The following KASH5 variants were observed in gnomAD, a reference collection of about 807,000 sequenced individuals.
The protein encoded by KASH5 is protein KASH5.
In KASH5, 72 loss-of-function variants were observed where a neutral mutation model predicts 84.2. That is an observed-to-expected ratio of 0.85 (90% CI 0.71 to 1.04). The LOEUF is 1.04. Ranked by LOEUF, KASH5 falls within the 50% of genes least tolerant of loss-of-function variation. The pLI, the probability that KASH5 is intolerant of heterozygous loss-of-function variation, is 0.00. For synonymous variants in KASH5, 260 were observed against 279.1 expected, an observed-to-expected ratio of 0.93 and a Z score of 0.68; for missense variants, 650 against 701.0, an observed-to-expected ratio of 0.93 and a Z score of 0.82.
intron 9 of KASH5, among the ~76,000 whole-genome samples, chr19:49,400,240 A>AAG (rs1187283374): frequency 6.6e-6 from 1 of 151,414 alleles, no homozygotes; most frequent in African/African-American, 2.4e-5. Context: ...AAAAAAAAAA[A>AAG]AAAAAAATTG....
chr19:49,412,320 C>G lies in KASH5; in HGVS notation c.1270-648C>G, dbSNP rs1318544512. On this transcript the variant is annotated intron_variant, in intron 15 of 19. Coordinates refer to ENST00000447857, the MANE Select transcript of KASH5 (RefSeq NM_144688.5). This position sits in a 1 kb window ranked among gnomAD's most constrained non-coding sequence, Gnocchi z 4.6. The stretch of plus-strand genomic sequence containing the variant: ...GACAGACATAATTGGGGTGGAGGGA[C>G]AGAGCAGGGGTCAGACGGGATGTGG... Among the ~76,000 whole-genome samples, 1 of 151,696 alleles carries G rather than the reference C, an allele frequency of 6.6e-6. No individual in the cohort carries two copies. The highest frequency in any genetic ancestry group is 1.5e-5 in the Non-Finnish European group (1 of 67,908).
rs886236285 is a variant in KASH5 at position 49,407,268 on chromosome 19, T to C, written c.905T>C (p.Ile302Thr). 3 of 1,613,696 alleles carry C rather than the reference T, an allele frequency of 1.9e-6. No homozygotes were observed. The African/African-American group carries it at 4.0e-5, about 22-fold the overall frequency. Reference sequence around the variant, plus strand: ...CAGCTCTTTGAGTGTGAACACCTCATTTGCCAAAGAGACACCATCCTCTCT... The same window carrying C: ...CAGCTCTTTGAGTGTGAACACCTCACTTGCCAAAGAGACACCATCCTCTCT... ...KRQLFECEHL[I>T]CQRDTILSER... Residue 302 changes from isoleucine to threonine, a missense_variant, in exon 11 of 20, where the codon ATT becomes ACT. By Grantham distance (89) the Ile-to-Thr change is moderately conservative (BLOSUM62 -1). Coordinates refer to ENST00000447857, the MANE Select transcript of KASH5 (RefSeq NM_144688.5).
intron 6 of KASH5, 84 bp from the exon 7 acceptor site, chr19:49,397,898 C>CT (rs1464279921): frequency 4.6e-5 from 69 of 1,514,236 alleles, no homozygotes; most frequent in Non-Finnish European, 6.1e-5. Context: ...AGAGCCACAT[C>CT]TCCCCACCAC....
Position 49,413,247 on chromosome 19 carries a change from G to T in KASH5, c.1328+221G>T, listed in dbSNP as rs115122569. On this transcript the variant is annotated intron_variant, in intron 16 of 19. Transcript: ENST00000447857. ...GTTCCTGACCCTGCCTTGGGGGAGG[G>T]CTCCCAGCGAGGCTGCCATGCCTGA... Among the ~76,000 whole-genome samples, 1,507 of 152,340 alleles carry T rather than the reference G, an allele frequency of 9.9e-3. 15 individuals carry two copies. Among genetic ancestry groups the T allele is most frequent in the African/African-American group, 0.035 (1,448 of 41,576 alleles).
chr19:49,406,462 C>T (rs747949762), intron 9 of KASH5, among the ~76,000 whole-genome samples: 2 of 152,262 alleles, frequency 1.3e-5, no homozygotes, highest in Non-Finnish European at 2.9e-5. Context: ...CTGCAACCTC[C>T]GTCTTCCCAG....
At position 49,416,228 on chromosome 19, in the gene KASH5, C is replaced by G. The variant is rs1411642290; in HGVS notation, c.1375-787C>G. ...TTTTGTTTTGAGATGGAGTCTTGCT[C>G]TGTCGCCAGGCTGGAGTGCAGTGGT... On this transcript the variant is annotated intron_variant, in intron 17 of 19. Coordinates refer to ENST00000447857, the MANE Select transcript of KASH5 (RefSeq NM_144688.5). This position sits in a 1 kb window ranked among gnomAD's most constrained non-coding sequence, Gnocchi z 5.4. 1.3e-5 allele frequency among the ~76,000 whole-genome samples: 2 copies of G among 152,192 alleles called. No individual in the cohort carries two copies. The highest frequency in any genetic ancestry group is 1.3e-4 in the Admixed American group (2 of 15,288).
In KASH5 at chr19:49,416,965, C is replaced by T; in HGVS notation, c.1375-50C>T. 4 of 1,540,980 alleles carry T rather than the reference C, an allele frequency of 2.6e-6. No individual in the cohort carries two copies. Among genetic ancestry groups the T allele is most frequent in the Non-Finnish European group, 3.5e-6 (4 of 1,137,722 alleles). On this transcript the variant is annotated intron_variant, in intron 17 of 19. Transcript: ENST00000447857. This position sits in a 1 kb window ranked among gnomAD's most constrained non-coding sequence, Gnocchi z 5.4. The stretch of plus-strand genomic sequence containing the variant: ...GTGTCCAGTGGGCTGACCTGAGCAC[C>T]TCTCAGTCCAGAACCCGGTGCCTCC...
rs968463835 is a variant in KASH5 at position 49,416,734 on chromosome 19, T to C, written c.1375-281T>C. Among the ~76,000 whole-genome samples the C allele has an allele frequency of 6.6e-6, 1 of 152,160 alleles. No homozygotes were observed. The highest frequency in any genetic ancestry group is 1.5e-5 in the Non-Finnish European group (1 of 68,034). Reference sequence around the variant, plus strand: ...TCCAAGCTATTGCCCCCGCCTTTTTTTTCCTACATTCACTCATTTAGTCTC... The same window carrying C: ...TCCAAGCTATTGCCCCCGCCTTTTTCTTCCTACATTCACTCATTTAGTCTC... On this transcript the variant is annotated intron_variant, in intron 17 of 19. Transcript: ENST00000447857. The surrounding 1 kb of genome is among the most constrained non-coding windows in gnomAD (Gnocchi z 5.4).
rs774002883 is a variant in KASH5 at position 49,395,730 on chromosome 19, A to C, written c.336-39A>C. The C allele has an allele frequency of 7.8e-6, 12 of 1,544,704 alleles. No homozygotes were observed. The highest frequency in any genetic ancestry group is 1.4e-5 in the African/African-American group (1 of 73,004). On this transcript the variant is annotated intron_variant, in intron 4 of 19. Transcript: ENST00000447857. The surrounding 1 kb of genome is among the most constrained non-coding windows in gnomAD (Gnocchi z 4.4). ...CTGTGGCTGGTGAGGACTGAGGGGCAGCTACAGTGGGGCGCTAAGCCTCAT... is the reference window on the plus strand; with the variant it reads ...CTGTGGCTGGTGAGGACTGAGGGGCCGCTACAGTGGGGCGCTAAGCCTCAT...
At chr19:49,409,149 C>T (rs1974629287) in intron 13 of KASH5, 47 bp from the exon 14 acceptor site, 1 of 1,601,266 alleles carries the variant, frequency 6.2e-7, no homozygotes, top group South Asian at 1.1e-5. Flanking sequence ...GACTGAGTGG[C>T]CACCAGGCAC....
intron 9 of KASH5, among the ~76,000 whole-genome samples, chr19:49,403,683 G>A (rs180744754): frequency 2.0e-4 from 30 of 151,360 alleles, no homozygotes; most frequent in Non-Finnish European, 3.7e-4. Context: ...CCCTCAGACA[G>A]AGAGAGTAGA....
chr19:49,398,137 T>C lies in KASH5; in HGVS notation c.623T>C (p.Leu208Pro). ...GAGATCTTGGCTCTGCGTAAGCAGC[T>C]TCACAGGTGGGCTGGATGCCACACC... ...GEEILALRKQLHSTQQALQFA... is the reference protein window; with the variant it reads ...GEEILALRKQPHSTQQALQFA... The change falls in exon 7 of 20, where the codon CTT (leucine) becomes CCT (proline). Residue 208 changes from leucine (L) to proline (P), a missense_variant. Physicochemically the swap from Leu to Pro is moderately conservative, Grantham distance 98. Coordinates refer to ENST00000447857, the MANE Select transcript of KASH5 (RefSeq NM_144688.5). 6.3e-7 allele frequency: 1 copy of C among 1,576,318 alleles called. No individual in the cohort carries two copies.
At position 49,417,133 on chromosome 19, in the gene KASH5, G is replaced by A. The variant is rs1369350217; in HGVS notation, c.1440-26G>A. On this transcript the variant is annotated intron_variant, in intron 18 of 19. Coordinates refer to ENST00000447857, the MANE Select transcript of KASH5 (RefSeq NM_144688.5). The surrounding 1 kb of genome is among the most constrained non-coding windows in gnomAD (Gnocchi z 5.2). ...ACACTGGGGCAAGGAAAAACCCAGT[G>A]GTGATTCCCTCCTTCACCCCAGCAG... 6.2e-7 allele frequency: 1 copy of A among 1,611,462 alleles called. No individual in the cohort carries two copies. Among genetic ancestry groups the A allele is most frequent in the Non-Finnish European group, 8.5e-7 (1 of 1,178,860 alleles).
At chr19:49,397,905 C>A (rs1568612698) in intron 6 of KASH5, 77 bp from the exon 7 acceptor site, 5 of 1,539,608 alleles carry the variant, frequency 3.2e-6, no homozygotes, top group Admixed American at 1.9e-5. Context: ...CATCTCCCCA[C>A]CACCAGCACC....
At chr19:49,407,503 C>A in intron 11 of KASH5, 109 bp from the exon 12 acceptor site, 1 of 1,273,984 alleles carries the variant, frequency 7.8e-7, no homozygotes, top group Non-Finnish European at 1.1e-6. Flanking sequence ...CCAGCTCTTC[C>A]CTCAAGCTCA....
Position 49,394,589 on chromosome 19 carries a change from G to T in KASH5, c.148+9G>T. On this transcript the variant is annotated intron_variant, in intron 3 of 19. Transcript: ENST00000447857. ...TGACCCTCAGAGGACAGGTGGTGGG[G>T]GCATGAGGGGTGCTGGGGACCAGTG... The T allele has an allele frequency of 6.2e-7, 1 of 1,606,402 alleles. No homozygotes were observed. Among genetic ancestry groups the T allele is most frequent in the South Asian group, 1.1e-5 (1 of 90,950 alleles).
chr19:49,400,351 T>A (rs1974322978), intron 9 of KASH5, among the ~76,000 whole-genome samples: 1 of 144,610 alleles, frequency 6.9e-6, no homozygotes, highest in Non-Finnish European at 1.5e-5. Flanking sequence ...TACTTTTAGT[T>A]TCTTTTTTTT....
chr19:49,390,975 A>T, intron 2 of KASH5, 49 bp downstream of exon 2: 1 of 1,581,774 alleles, frequency 6.3e-7, no homozygotes, highest in African/African-American at 1.4e-5. Flanking sequence ...GGAGGGAGCC[A>T]TGGGTGAATG....
Position 49,409,022 on chromosome 19 carries a change from G to A in KASH5, c.1049G>A (p.Gly350Glu), listed in dbSNP as rs775538028. The change falls in exon 13 of 20, where the codon GGG becomes GAG. Residue 350 changes from glycine (G) to glutamate (E), a missense_variant. By Grantham distance (98) the Gly-to-Glu change is moderately conservative (BLOSUM62 -2). Transcript: ENST00000447857. ...GAGCAGCTGAGTCAGACCTATGAGG[G>A]GCCCGATGAGTGAGTGGAATTTCAA... ...LEEQLSQTYE[G>E]PDELPEGAQL... The A allele has an allele frequency of 3.8e-6, 6 of 1,591,908 alleles. No homozygotes were observed. The East Asian group carries it at 1.1e-4, about 30-fold the overall frequency.
Sources: allele counts gnomAD v4.1 joint callset (sites outside exome capture counted in the v4.1 genomes callset), GRCh38; gene constraint gnomAD v4.1.1; non-coding constraint Gnocchi (gnomAD v3.1); transcripts MANE v1.5; gene names NCBI Gene and HGNC (gene_info 2026-07-23, HGNC 2026-07-21).